The following SPATA21 variants were observed in gnomAD, a reference collection of about 807,000 sequenced individuals.
The protein encoded by SPATA21 is spermatogenesis-associated protein 21.
Under a neutral mutation model 54.8 loss-of-function variants are expected in SPATA21, and 47 were observed. The ratio of observed to expected loss-of-function variants is 0.86; its 90% CI spans 0.68 to 1.09. The LOEUF (loss-of-function observed/expected upper bound fraction) is 1.09, where lower values mean the gene tolerates loss of function less well. SPATA21 is among the 50% of genes least tolerant of loss of function. The pLI, the probability that SPATA21 is intolerant of heterozygous loss-of-function variation, is 0.00. For synonymous variants in SPATA21, 245 were observed against 235.3 expected, an observed-to-expected ratio of 1.04 and a Z score of -0.38; for missense variants, 599 against 596.4, an observed-to-expected ratio of 1.00 and a Z score of -0.05.
intron 7 of SPATA21, among the ~76,000 whole-genome samples, chr1:16,408,913 C>CA (rs1030161225): frequency 6.6e-5 from 10 of 151,806 alleles, no homozygotes; most frequent in African/African-American, 1.9e-4. Flanking sequence ...TTCTGGCCCC[C>CA]CCAACCCAGC....
At chr1:16,412,855 T>C (rs2085892199) in intron 5 of SPATA21, among the ~76,000 whole-genome samples, 1 of 152,124 alleles carries the variant, frequency 6.6e-6, no homozygotes, top group South Asian at 2.1e-4. Flanking sequence ...GGTGGCGTGA[T>C]CTTGGCTCAC....
At chr1:16,406,994 T>C (rs1390934219) in intron 7 of SPATA21, among the ~76,000 whole-genome samples, 2 of 152,212 alleles carry the variant, frequency 1.3e-5, no homozygotes. Context: ...ACTGGGACGG[T>C]GGGCATGGGC....
intron 10 of SPATA21, among the ~76,000 whole-genome samples, chr1:16,403,093 A>G (rs2458525): frequency 0.24 from 36,602 of 152,122 alleles, 4,748 homozygotes; most frequent in South Asian, 0.44. Context: ...TGGAATGTTC[A>G]TGTTGTTTCA....
intron 1 of SPATA21, among the ~76,000 whole-genome samples, chr1:16,433,210 G>A (rs937561676): frequency 2.0e-5 from 3 of 152,344 alleles, no homozygotes; most frequent in Non-Finnish European, 4.4e-5. Flanking sequence ...CAGAGGAGGC[G>A]CACTTAATAG....
In SPATA21 at chr1:16,421,635, C is replaced by T. The variant is rs1371106037; in HGVS notation, c.96-78G>A. On this transcript the variant is annotated intron_variant, in intron 4 of 12. Coordinates refer to ENST00000335496, the MANE Select transcript of SPATA21 (RefSeq NM_198546.1). This position sits in a 1 kb window ranked among gnomAD's most constrained non-coding sequence, Gnocchi z 5.2. ...CCCCCTGCCCTCCCCTCTCAGCCCC[C>T]AGGACACTCAGTTCCACCCCAGCCT... 6.9e-7 allele frequency: 1 copy of T among 1,443,054 alleles called. No homozygotes were observed. The highest frequency in any genetic ancestry group is 9.5e-7 in the Non-Finnish European group (1 of 1,054,696). 89.4% of individuals were successfully genotyped at this position (1,443,054 alleles called of 1,614,324 possible).
At chr1:16,426,577 A>ATT (rs1199145236) in intron 3 of SPATA21, among the ~76,000 whole-genome samples, 4 of 111,104 alleles carry the variant, frequency 3.6e-5, no homozygotes, top group Non-Finnish European at 7.1e-5. Flanking sequence ...ATATATATAT[A>ATT]TATTTTTTTT....
chr1:16,411,529 G>T (rs922047396), intron 5 of SPATA21, among the ~76,000 whole-genome samples: 1 of 152,092 alleles, frequency 6.6e-6, no homozygotes, highest in African/African-American at 2.4e-5. Context: ...GGTGGCTCAC[G>T]CCTGTAATCC....
At chr1:16,434,741 G>T (rs2086545037) in intron 1 of SPATA21, among the ~76,000 whole-genome samples, 1 of 152,030 alleles carries the variant, frequency 6.6e-6, no homozygotes, top group South Asian at 2.1e-4. Context: ...TTTAGCTTTT[G>T]AGTAATTGCC....
At chr1:16,407,594 G>A (rs1230303648) in intron 7 of SPATA21, among the ~76,000 whole-genome samples, 3 of 151,984 alleles carry the variant, frequency 2.0e-5, no homozygotes, top group East Asian at 1.9e-4. Context: ...TGAGTAGCTG[G>A]GATTTCAGGT....
At chr1:16,425,291 A>G (rs2086291279) in intron 3 of SPATA21, 1 of 649,188 alleles carries the variant, frequency 1.5e-6, no homozygotes, top group Non-Finnish European at 2.8e-6. Flanking sequence ...TGACATCTTC[A>G]GGGCACAGAG....
At chr1:16,430,876 G>A (rs1422394821) in intron 3 of SPATA21, among the ~76,000 whole-genome samples, 1 of 152,204 alleles carries the variant, frequency 6.6e-6, no homozygotes, top group African/African-American at 2.4e-5. Context: ...TTGCAAAGAG[G>A]CTCACTTCCT....
chr1:16,428,122 G>A lies in SPATA21; in HGVS notation c.34+3216C>T. ...GGTACTCTTCTGGCCTCAAGGACAG[G>A]GAGATCCTGTGCCTGATTGGGGAAG... On this transcript the variant is annotated intron_variant, in intron 3 of 12. Transcript: ENST00000335496. This position sits in a 1 kb window ranked among gnomAD's most constrained non-coding sequence, Gnocchi z 4.3. 1 of 1,387,782 alleles carries A rather than the reference G, an allele frequency of 7.2e-7. No individual in the cohort carries two copies. Among genetic ancestry groups the A allele is most frequent in the Non-Finnish European group, 9.6e-7 (1 of 1,042,404 alleles). The allele number at this position is 1,387,782 out of a possible 1,614,324, so 86.0% of individuals were successfully genotyped here.
chr1:16,434,463 A>C (rs1235976540), intron 1 of SPATA21, among the ~76,000 whole-genome samples: 2 of 151,938 alleles, frequency 1.3e-5, no homozygotes, highest in East Asian at 1.9e-4. Flanking sequence ...TCGTCTTAAA[A>C]ATTTTTTAAT....
At chr1:16,423,595 G>A (rs1161624828) in intron 3 of SPATA21, among the ~76,000 whole-genome samples, 1 of 134,842 alleles carries the variant, frequency 7.4e-6, no homozygotes, top group Non-Finnish European at 1.5e-5. Flanking sequence ...CCAGGCTGGA[G>A]TGCACTGGCA....
In SPATA21 at chr1:16,403,841, T is replaced by G. The variant is rs2085536725; in HGVS notation, c.887A>C (p.Gln296Pro). ...DTRRFFCSVE[Q>P]NALSDMAPHN... is the part of the protein sequence containing the mutation. Reference sequence around the variant, plus strand: ...GGGAGCCATGTCCGACAGGGCGTTCTGTTCTGGAGACATGGGATAGTGGCT... The same window carrying G: ...GGGAGCCATGTCCGACAGGGCGTTCGGTTCTGGAGACATGGGATAGTGGCT... The change falls in exon 10 of 13, where the codon CAG becomes CCG. Residue 296 changes from glutamine to proline, a missense_variant. Transcript: ENST00000335496. The G allele has an allele frequency of 6.2e-7, 1 of 1,608,646 alleles. No homozygotes were observed. Among genetic ancestry groups the G allele is most frequent in the African/African-American group, 1.3e-5 (1 of 74,828 alleles).
downstream of SPATA21, chr1:16,398,236 GAAAGACTGTCTTTGGT>G (rs2085345138): frequency 6.1e-6 from 1 of 163,876 alleles, no homozygotes; most frequent in Non-Finnish European, 1.3e-5. Context: ...CAGTCCCAGG[GAAAGACTGTCTTTGGT>G]AAAACACGAG....
rs555746832 is a variant in SPATA21 at position 16,418,415 on chromosome 1, G to T, written c.144+3094C>A. ...GCCTCCCAAGTAGCTGGGACTACAGGTGCCCGCCACCATGCCCAGCTAATT... is the reference window on the plus strand; with the variant it reads ...GCCTCCCAAGTAGCTGGGACTACAGTTGCCCGCCACCATGCCCAGCTAATT... On this transcript the variant is annotated intron_variant, in intron 5 of 12. Transcript: ENST00000335496. Among the ~76,000 whole-genome samples, 18 of 152,124 alleles carry T rather than the reference G, an allele frequency of 1.2e-4. No homozygotes were observed. The South Asian group carries it at 3.7e-3, about 32-fold the overall frequency.
At position 16,421,332 on chromosome 1, in the gene SPATA21, C is replaced by G. The variant is rs1465571781; in HGVS notation, c.144+177G>C. On this transcript the variant is annotated intron_variant, in intron 5 of 12. Transcript: ENST00000335496. This position sits in a 1 kb window ranked among gnomAD's most constrained non-coding sequence, Gnocchi z 5.2. ...ATGCATACACACAGGCACAGGCACA[C>G]ACACACACGTGTGCACATCCATGTG... Among the ~76,000 whole-genome samples, 2 of 152,080 alleles carry G rather than the reference C, an allele frequency of 1.3e-5. No individual in the cohort carries two copies. Among genetic ancestry groups the G allele is most frequent in the Admixed American group, 1.3e-4 (2 of 15,280 alleles).
At chr1:16,434,291 T>C (rs918313112) in intron 1 of SPATA21, among the ~76,000 whole-genome samples, 7 of 146,826 alleles carry the variant, frequency 4.8e-5, no homozygotes, top group Admixed American at 3.4e-4. Context: ...TTTTCTTTCT[T>C]TTTTTTTTTT....
Sources: gnomAD v4.1 joint callset for allele counts (sites outside exome capture counted in the v4.1 genomes callset) on GRCh38, gnomAD v4.1.1 for gene constraint, Gnocchi (gnomAD v3.1) non-coding constraint, MANE v1.5 for transcripts, NCBI Gene and HGNC (gene_info 2026-07-23, HGNC 2026-07-21) for gene names.